Variants in CELF2 observed in about 807,000 individuals in gnomAD.
CELF2 encodes CUGBP Elav-like family member 2.
CELF2 carries 8 observed loss-of-function variants against 62.6 expected under a neutral mutation model. That is an observed-to-expected ratio of 0.13 (90% CI 0.07 to 0.23). The LOEUF is 0.23. CELF2 is among the 10% of genes least tolerant of loss of function. CELF2 has a pLI of 1.00. For synonymous variants in CELF2, 258 were observed against 250.0 expected (o/e 1.03, Z -0.30); for missense variants, 333 against 671.0 (o/e 0.50, Z 5.56).
At chr10:11,313,436 C>T (rs1003802076) in intron 9 of CELF2, among the ~76,000 whole-genome samples, 1 of 152,164 alleles carries the variant, frequency 6.6e-6, no homozygotes, top group African/African-American at 2.4e-5. Flanking sequence ...TTATGAATAA[C>T]TTTATACCAA....
the CELF2 span, among the ~76,000 whole-genome samples, chr10:10,673,011 T>C: frequency 6.6e-6 from 1 of 152,146 alleles, no homozygotes; most frequent in African/African-American, 2.4e-5. Context: ...CTTGTATGTA[T>C]TTTGTTAGAT....
intron 1 of CELF2, among the ~76,000 whole-genome samples, chr10:10,891,387 C>G (rs778953231): frequency 6.6e-6 from 1 of 152,126 alleles, no homozygotes; most frequent in East Asian, 1.9e-4. Flanking sequence ...TTGCACATGA[C>G]AAAAATCTCA....
Position 11,333,155 on chromosome 10 carries a change from G to GACGCGCCCTCTGAATCGAGT in CELF2, c.*4103_*4122dup, listed in dbSNP as rs1336554069. ...TGAGGGTAGGGGACAGGAGGCTCAG[G>GACGCGCCCTCTGAATCGAGT]ACGCGCCCTCTGAATCGAGTGTTTC... On this transcript the variant is annotated 3_prime_UTR_variant, in exon 13 of 13. Transcript: ENST00000633077. 1 of 152,212 alleles carries GACGCGCCCTCTGAATCGAGT rather than the reference G, an allele frequency of 6.6e-6. No individual in the cohort carries two copies. Among genetic ancestry groups the GACGCGCCCTCTGAATCGAGT allele is most frequent in the Non-Finnish European group, 1.5e-5 (1 of 68,048 alleles). 9.4% of individuals were successfully genotyped at this position (152,212 alleles called of 1,614,324 possible).
At chr10:10,967,797 C>A (rs921021096) in intron 2 of CELF2, among the ~76,000 whole-genome samples, 7 of 152,178 alleles carry the variant, frequency 4.6e-5, no homozygotes, top group Non-Finnish European at 8.8e-5. Context: ...TCAGCCATGA[C>A]TGGAGTTCGG....
chr10:10,873,101 G>A (rs192139657), intron 1 of CELF2, among the ~76,000 whole-genome samples: 100 of 152,084 alleles, frequency 6.6e-4, no homozygotes, highest in African/African-American at 2.2e-3. Context: ...GTACCAAGCT[G>A]GCCAATGCAA....
the CELF2 span, among the ~76,000 whole-genome samples, chr10:10,767,683 C>T: frequency 5.3e-5 from 8 of 152,178 alleles, no homozygotes; most frequent in Middle Eastern, 3.4e-3. Flanking sequence ...ACAACCCAAC[C>T]GTGGGAAGTA....
Position 11,329,261 on chromosome 10 carries a change from TTGAG to T in CELF2, c.*210_*213del. 1 of 385,144 alleles carries T rather than the reference TTGAG, an allele frequency of 2.6e-6. No homozygotes were observed. Among genetic ancestry groups the T allele is most frequent in the East Asian group, 4.1e-5 (1 of 24,246 alleles). The allele number at this position is 385,144 out of a possible 1,614,324, so 23.9% of individuals were successfully genotyped here. ...TAAAACTTGGGCTACTTTGTTTCTATTGAGTAATTCCTCCTCCAGTTGTGCCACT... is the reference window on the plus strand; with the variant it reads ...TAAAACTTGGGCTACTTTGTTTCTATTAATTCCTCCTCCAGTTGTGCCACT... On this transcript the variant is annotated 3_prime_UTR_variant, in exon 13 of 13. Coordinates refer to ENST00000633077, the MANE Select transcript of CELF2 (RefSeq NM_001326342.2). The surrounding 1 kb of genome is among the most constrained non-coding windows in gnomAD (Gnocchi z 5.5).
the CELF2 span, among the ~76,000 whole-genome samples, chr10:10,628,841 A>T: frequency 7.9e-5 from 12 of 152,212 alleles, no homozygotes; most frequent in South Asian, 2.1e-4. Flanking sequence ...TTAAAAATTT[A>T]AAAAAATAAA....
chr10:10,581,759 G>A, the CELF2 span, among the ~76,000 whole-genome samples: 1 of 152,198 alleles, frequency 6.6e-6, no homozygotes, highest in Non-Finnish European at 1.5e-5. Context: ...GCCAGGCGCG[G>A]TGGTTCACGC....
chr10:11,288,217 G>A (rs903423983), intron 8 of CELF2, among the ~76,000 whole-genome samples: 1 of 152,236 alleles, frequency 6.6e-6, no homozygotes, highest in African/African-American at 2.4e-5. Flanking sequence ...TCTAGGAAGA[G>A]CAATTGCATC....
At chr10:11,140,285 A>G (rs559261142) in intron 1 of CELF2, among the ~76,000 whole-genome samples, 253 of 152,318 alleles carry the variant, frequency 1.7e-3, no homozygotes, top group Middle Eastern at 6.8e-3. Context: ...TCTGTCGCCC[A>G]TGTTCGGTGC....
intron 1 of CELF2, among the ~76,000 whole-genome samples, chr10:10,812,373 G>A (rs1250381726): frequency 6.6e-6 from 1 of 152,264 alleles, no homozygotes; most frequent in South Asian, 2.1e-4. Flanking sequence ...CCCACAACAT[G>A]TGGAAATTAT....
At chr10:10,963,901 C>T (rs1323177816) in intron 2 of CELF2, among the ~76,000 whole-genome samples, 1 of 152,130 alleles carries the variant, frequency 6.6e-6, no homozygotes, top group Non-Finnish European at 1.5e-5. Flanking sequence ...GGAGATGCCT[C>T]AGGAACACAT....
At chr10:10,710,358 G>C in the CELF2 span, among the ~76,000 whole-genome samples, 3 of 152,196 alleles carry the variant, frequency 2.0e-5, no homozygotes, top group South Asian at 2.1e-4. Context: ...GGGATAATTA[G>C]TGTCTAGGCA....
intron 1 of CELF2, among the ~76,000 whole-genome samples, chr10:10,826,763 G>A (rs2057422387): frequency 6.6e-6 from 1 of 152,196 alleles, no homozygotes; most frequent in Admixed American, 6.5e-5. Context: ...AGAATGCTTT[G>A]TTCTAGGGGC....
the CELF2 span, among the ~76,000 whole-genome samples, chr10:10,535,395 G>C: frequency 6.6e-6 from 1 of 152,182 alleles, no homozygotes; most frequent in Non-Finnish European, 1.5e-5. Flanking sequence ...CACCACTTGG[G>C]TGAGCAGGAA....
chr10:10,907,703 T>C (rs1034351884), intron 1 of CELF2, among the ~76,000 whole-genome samples: 1 of 152,210 alleles, frequency 6.6e-6, no homozygotes, highest in Non-Finnish European at 1.5e-5. Context: ...CATCTGTGAA[T>C]GTATTGAAGG....
chr10:10,975,726 T>C lies in CELF2; in HGVS notation c.89+55727T>C, dbSNP rs764387182. Among the ~76,000 whole-genome samples the C allele has an allele frequency of 3.9e-5, 6 of 152,362 alleles. No homozygotes were observed. The East Asian group carries it at 1.2e-3, about 29-fold the overall frequency. On this transcript the variant is annotated intron_variant, in intron 2 of 13. Coordinates refer to the CELF2 transcript ENST00000636488. ...TATGGTGGAAGGCAGATGCTGATGA[T>C]GCAGGACTGTGAGCCCCAAAGCTGG...
chr10:10,912,464 G>A (rs1262294106), intron 1 of CELF2, among the ~76,000 whole-genome samples: 2 of 152,088 alleles, frequency 1.3e-5, no homozygotes, highest in East Asian at 3.9e-4. Context: ...CCACCTCCCA[G>A]GTTCAAGCGA....
Sources: allele counts gnomAD v4.1 joint callset (sites outside exome capture counted in the v4.1 genomes callset), GRCh38; gene constraint gnomAD v4.1.1; non-coding constraint Gnocchi (gnomAD v3.1); transcripts MANE v1.5; gene names NCBI Gene and HGNC (gene_info 2026-07-23, HGNC 2026-07-21).